The following LRP1B variants were observed in gnomAD, a reference collection of about 807,000 sequenced individuals.
The protein encoded by LRP1B is LDL receptor related protein 1B, also known as low-density lipoprotein receptor-related protein 1B.
In LRP1B, 217 loss-of-function variants were observed where a neutral mutation model predicts 556.6. The observed-to-expected ratio is 0.39, with a 90% CI of 0.35 to 0.44. The LOEUF is 0.44. LRP1B is among the 20% of genes least tolerant of loss of function. The probability of loss-of-function intolerance (pLI) is 1.00; values close to 1 mark genes in which losing one functional copy is unlikely to be tolerated. For synonymous variants in LRP1B, 2,047 were observed against 1,865.8 expected (o/e 1.10, Z -2.50); for missense variants, 5,053 against 5,620.8 (o/e 0.90, Z 3.23).
At chr2:141,532,560 A>G (rs1684924512) in intron 2 of LRP1B, among the ~76,000 whole-genome samples, 2 of 151,988 alleles carry the variant, frequency 1.3e-5, no homozygotes, top group African/African-American at 4.8e-5. Flanking sequence ...ATCAGAACAT[A>G]TATAAACAGT....
Position 140,851,112 on chromosome 2 carries a change from A to C in LRP1B, c.4711+540T>G, listed in dbSNP as rs1241712078. ...ATAAAATTATTAATAGAAAGCAAAA[A>C]ATTTTATTCACAAAATTTATCTTTT... On this transcript the variant is annotated intron_variant, in intron 28 of 90. Coordinates refer to ENST00000389484, the MANE Select transcript of LRP1B (RefSeq NM_018557.3). 2.0e-5 allele frequency among the ~76,000 whole-genome samples: 3 copies of C among 152,144 alleles called. No homozygotes were observed. In the East Asian group the frequency reaches 5.8e-4, roughly 29 times the overall value.
intron 33 of LRP1B, among the ~76,000 whole-genome samples, chr2:140,773,417 T>A (rs1021241234): frequency 6.6e-6 from 1 of 151,520 alleles, no homozygotes; most frequent in Non-Finnish European, 1.5e-5. Flanking sequence ...TGCAGTGAGC[T>A]GACATAGTGC....
chr2:141,261,632 A>G lies in LRP1B; in HGVS notation c.344-6991T>C, dbSNP rs567265997. Reference sequence around the variant, plus strand: ...TAGTATTTAGTATTTTGAGTCTGACATCTTTTACTTAGCATAATGTATTTG... The same window carrying G: ...TAGTATTTAGTATTTTGAGTCTGACGTCTTTTACTTAGCATAATGTATTTG... On this transcript the variant is annotated intron_variant, in intron 3 of 90. Transcript: ENST00000389484. 4.6e-5 allele frequency among the ~76,000 whole-genome samples: 7 copies of G among 152,218 alleles called. No homozygotes were observed. The Middle Eastern group carries it at 0.01, about 222-fold the overall frequency.
intron 7 of LRP1B, among the ~76,000 whole-genome samples, chr2:141,137,804 A>T (rs762934767): frequency 1.3e-5 from 2 of 151,910 alleles, no homozygotes; most frequent in Non-Finnish European, 2.9e-5. Flanking sequence ...CCTGGAAAAC[A>T]TTCAATGGGA....
rs145173912 is a variant in LRP1B, at chr2:140,698,350, G to T, written c.6799+1900C>A. 3.0e-3 allele frequency among the ~76,000 whole-genome samples: 449 copies of T among 152,066 alleles called. 1 individual carries two copies. Among genetic ancestry groups the T allele is most frequent in the African/African-American group, 0.01 (426 of 41,512 alleles). ...ATGTCTATATCTATTTACCATATTA[G>T]AAATTTAAACTTAAATTGTTTTAAA... On this transcript the variant is annotated intron_variant, in intron 41 of 90. Transcript: ENST00000389484.
intron 7 of LRP1B, among the ~76,000 whole-genome samples, chr2:141,107,350 T>C (rs1700631403): frequency 2.0e-5 from 3 of 152,082 alleles, no homozygotes; most frequent in East Asian, 1.9e-4. Flanking sequence ...AAAAAAAACT[T>C]GGAAGACTAT....
intron 5 of LRP1B, among the ~76,000 whole-genome samples, chr2:141,242,857 G>A (rs1301191232): frequency 1.3e-5 from 2 of 152,014 alleles, no homozygotes; most frequent in Admixed American, 6.6e-5. Flanking sequence ...TTTATTAGGA[G>A]TAAAATTGCC....
intron 43 of LRP1B, among the ~76,000 whole-genome samples, chr2:140,554,124 TCA>T (rs1680644879): frequency 6.6e-6 from 1 of 152,066 alleles, no homozygotes; most frequent in Non-Finnish European, 1.5e-5. Flanking sequence ...TTCTTAGGAC[TCA>T]GTCTCCTAAT....
intron 2 of LRP1B, among the ~76,000 whole-genome samples, chr2:141,571,702 G>A (rs1367725762): frequency 6.6e-6 from 1 of 151,990 alleles, no homozygotes; most frequent in Admixed American, 6.6e-5. Flanking sequence ...TAGAGGAATT[G>A]CCACTAGAAC....
intron 1 of LRP1B, among the ~76,000 whole-genome samples, chr2:141,893,212 T>G (rs917452159): frequency 6.6e-6 from 1 of 152,170 alleles, no homozygotes; most frequent in Non-Finnish European, 1.5e-5. Flanking sequence ...GACAGGTGAT[T>G]TTTTTGAGAA....
Position 140,438,395 on chromosome 2 carries a change from C to T in LRP1B, c.10414+4109G>A, listed in dbSNP as rs78785565. 1.0e-3 allele frequency among the ~76,000 whole-genome samples: 155 copies of T among 152,196 alleles called. 4 individuals are homozygous for T. The East Asian group carries it at 0.02, about 20-fold the overall frequency. ...GAATACTTATAGCTTATAGCTATAA[C>T]GGTATAGCTTAGAACTGTATAGCTT... On this transcript the variant is annotated intron_variant, in intron 66 of 90. Transcript: ENST00000389484.
chr2:141,032,184 TG>T (rs1698391482), intron 11 of LRP1B, among the ~76,000 whole-genome samples: 3 of 152,120 alleles, frequency 2.0e-5, no homozygotes, highest in Admixed American at 6.5e-5. Context: ...TGTCTATTTA[TG>T]GGTTTTGTTG....
chr2:140,509,083 A>AACACACACAC lies in LRP1B; in HGVS notation c.8398+835_8398+844dup, dbSNP rs61074935. ...CCCTGCACACACACACACACACACA[A>AACACACACAC]ACACACACACACACACACACACACA... On this transcript the variant is annotated intron_variant, in intron 52 of 90. Coordinates refer to ENST00000389484, the MANE Select transcript of LRP1B (RefSeq NM_018557.3). Among the ~76,000 whole-genome samples the AACACACACAC allele has an allele frequency of 4.2e-4, 63 of 148,900 alleles. No individual in the cohort carries two copies. The Middle Eastern group carries it at 0.014, about 33-fold the overall frequency.
intron 2 of LRP1B, among the ~76,000 whole-genome samples, chr2:141,598,069 T>G (rs901222597): frequency 8.5e-5 from 12 of 141,606 alleles, no homozygotes; most frequent in African/African-American, 2.7e-4. Context: ...TTACAAAATT[T>G]TAAAAGGTGC....
intron 41 of LRP1B, among the ~76,000 whole-genome samples, chr2:140,630,531 T>G (rs774392873): frequency 6.6e-6 from 1 of 152,058 alleles, no homozygotes; most frequent in Non-Finnish European, 1.5e-5. Context: ...GAAAAGCAAC[T>G]TGGATGAATT....
intron 18 of LRP1B, among the ~76,000 whole-genome samples, chr2:140,956,723 C>T (rs1345093156): frequency 1.3e-5 from 2 of 151,694 alleles, no homozygotes; most frequent in South Asian, 2.1e-4. Context: ...ATAACAATCT[C>T]ATTTTATATA....
rs16844963 is a variant in LRP1B at position 140,921,849 on chromosome 2, G to A, written c.3319+1116C>T. 0.01 allele frequency among the ~76,000 whole-genome samples: 1,587 copies of A among 152,056 alleles called. 74 individuals are homozygous for A. In the East Asian group the frequency reaches 0.11, roughly 11 times the overall value. On this transcript the variant is annotated intron_variant, in intron 21 of 90. Transcript: ENST00000389484. ...GCATGTTTAAGAAAAGAAAGACAGT[G>A]CTTTTTTATACCTTTAAATGTACAT...
At chr2:140,273,336 G>GATAGTTTATATGA (rs113574269) in intron 85 of LRP1B, among the ~76,000 whole-genome samples, 142,722 of 151,894 alleles carry the variant, frequency 0.94, 67,584 homozygotes, top group Middle Eastern at 1. Context: ...ACATGATTTG[G>GATAGTTTATATGA]ACGCATGTTT....
chr2:141,703,949 G>T (rs1342803638), intron 2 of LRP1B, among the ~76,000 whole-genome samples: 1 of 151,788 alleles, frequency 6.6e-6, no homozygotes, highest in East Asian at 1.9e-4. Flanking sequence ...CTCCCATTCT[G>T]CCACTTTTTT....
Sources: allele counts gnomAD v4.1 joint callset (sites outside exome capture counted in the v4.1 genomes callset), GRCh38; gene constraint gnomAD v4.1.1; transcripts MANE v1.5; gene names NCBI Gene and HGNC (gene_info 2026-07-23, HGNC 2026-07-21).